Variants in DNAJB4 observed in about 807,000 individuals in gnomAD.
DNAJB4 encodes the protein dnaJ homolog subfamily B member 4.
In DNAJB4, 10 loss-of-function variants were observed where a neutral mutation model predicts 26.6. The observed-to-expected ratio is 0.38, with a 90% CI of 0.23 to 0.64. DNAJB4 has a LOEUF of 0.64. Ranked by LOEUF, DNAJB4 falls within the 30% of genes least tolerant of loss-of-function variation. The probability of loss-of-function intolerance (pLI) is 0.58; values close to 1 mark genes in which losing one functional copy is unlikely to be tolerated. For synonymous variants in DNAJB4, 136 were observed against 134.8 expected (o/e 1.01, Z -0.06); for missense variants, 328 against 408.2 (o/e 0.80, Z 1.69).
chr1:78,010,472 T>G (rs1660439153), intron 1 of DNAJB4, among the ~76,000 whole-genome samples: 2 of 152,196 alleles, frequency 1.3e-5, no homozygotes. Flanking sequence ...ATGAGCTGCT[T>G]ATGAAAAGAT....
At chr1:78,007,647 AT>A (rs1660364478) in intron 1 of DNAJB4, among the ~76,000 whole-genome samples, 2 of 152,240 alleles carry the variant, frequency 1.3e-5, no homozygotes, top group Admixed American at 1.3e-4. Flanking sequence ...TTTTAGAATT[AT>A]TCTTCCTTCA....
upstream of DNAJB4, among the ~76,000 whole-genome samples, chr1:78,001,571 A>G (rs1660195871): frequency 6.6e-6 from 1 of 152,214 alleles, no homozygotes; most frequent in Admixed American, 6.5e-5. Context: ...TGGAAAAAGA[A>G]AACTTGTTTT....
Position 78,016,785 on chromosome 1 carries a change from T to C in DNAJB4, c.*538T>C, listed in dbSNP as rs774691450. The C allele has an allele frequency of 1.3e-5, 2 of 152,452 alleles. No individual in the cohort carries two copies. The highest frequency in any genetic ancestry group is 2.9e-5 in the Non-Finnish European group (2 of 68,222). The allele number at this position is 152,452 out of a possible 1,614,324, so 9.4% of individuals were successfully genotyped here. A position where few individuals can be genotyped will look rare whatever the true frequency, so the allele number is the denominator to read the frequency against. On this transcript the variant is annotated 3_prime_UTR_variant, in exon 3 of 3. Transcript: ENST00000370763. ...TTTCACCATTTTGATTTTTAAAGTA[T>C]GCTGTAGCATTTCTTAATAACATCG...
rs1660677858 is a variant in DNAJB4, at chr1:78,017,732, G to A, written c.*1485G>A. The A allele has an allele frequency of 6.7e-6, 1 of 149,912 alleles. No homozygotes were observed. Among genetic ancestry groups the A allele is most frequent in the Non-Finnish European group, 1.5e-5 (1 of 67,740 alleles). The allele number at this position is 149,912 out of a possible 1,614,324, so 9.3% of individuals were successfully genotyped here. On this transcript the variant is annotated 3_prime_UTR_variant, in exon 3 of 3. Coordinates refer to ENST00000370763, the MANE Select transcript of DNAJB4 (RefSeq NM_007034.5). ...TCATCTGTATGGATTTGTCTGTTCTGGACATTTCACATAAATAGACTCAAA... is the reference window on the plus strand; with the variant it reads ...TCATCTGTATGGATTTGTCTGTTCTAGACATTTCACATAAATAGACTCAAA...
At chr1:77,985,544 T>G (rs1305563458) in intron 1 of DNAJB4, among the ~76,000 whole-genome samples, 2 of 152,218 alleles carry the variant, frequency 1.3e-5, no homozygotes, top group Admixed American at 6.5e-5. Flanking sequence ...AATACTATTT[T>G]TTCAAGCAAG....
At chr1:77,997,994 T>G (rs1291935605) in intron 1 of DNAJB4, among the ~76,000 whole-genome samples, 1 of 152,120 alleles carries the variant, frequency 6.6e-6, no homozygotes, top group Non-Finnish European at 1.5e-5. Context: ...TGGCTGGTCT[T>G]GAACTCCTGG....
chr1:77,995,683 A>C (rs1037882695), intron 1 of DNAJB4, among the ~76,000 whole-genome samples: 1 of 152,072 alleles, frequency 6.6e-6, no homozygotes, highest in African/African-American at 2.4e-5. Flanking sequence ...GAACTCCTAG[A>C]CTCAAGTGAT....
chr1:78,013,504 A>G lies in DNAJB4; in HGVS notation c.665A>G (p.Glu222Gly), dbSNP rs367875634. The G allele has an allele frequency of 4.3e-6, 7 of 1,613,998 alleles. No individual in the cohort carries two copies. Among genetic ancestry groups the G allele is most frequent in the African/African-American group, 1.3e-5 (1 of 74,946 alleles). The change falls in exon 2 of 3, where the codon GAA becomes GGA. Residue 222 changes from glutamate (E) to glycine (G), a missense_variant. Physicochemically the swap from Glu to Gly is moderately conservative, Grantham distance 98. Transcript: ENST00000370763. The part of the protein sequence containing the change: ...TKITFPREGD[E>G]TPNSIPADIV... ...ATTACTTTTCCAAGAGAAGGAGATG[A>G]AACACCAAATAGTATTCCAGCAGAC...
rs796616142 is a variant in DNAJB4, at chr1:77,988,035, C to T, written c.-32+7713C>T. ...TATATATGTGTGTGTGTGTATTTCC[C>T]CCCCCCCCCAGACAGTGTCTCACTT... On this transcript the variant is annotated intron_variant, in intron 1 of 2. Coordinates refer to the DNAJB4 transcript ENST00000426517. Among the ~76,000 whole-genome samples, 877 of 122,916 alleles carry T rather than the reference C, an allele frequency of 7.1e-3. 20 individuals are homozygous for T. Among genetic ancestry groups the T allele is most frequent in the African/African-American group, 0.025 (824 of 32,870 alleles). The allele number at this position is 122,916 out of a possible 152,430, so 80.6% of individuals were successfully genotyped here.
chr1:77,988,530 T>C (rs1659855084), intron 1 of DNAJB4, among the ~76,000 whole-genome samples: 1 of 152,218 alleles, frequency 6.6e-6, no homozygotes, highest in South Asian at 2.1e-4. Context: ...TCATTCTGAC[T>C]CAGCCACCTT....
At chr1:77,988,041 C>A (rs190128137) in intron 1 of DNAJB4, among the ~76,000 whole-genome samples, 20 of 140,698 alleles carry the variant, frequency 1.4e-4, no homozygotes, top group East Asian at 2.3e-4. Flanking sequence ...TTCCCCCCCC[C>A]CCCAGACAGT....
rs953836301 is a variant in DNAJB4, at chr1:78,006,960, G to T, written c.211+1639G>T. On this transcript the variant is annotated intron_variant, in intron 1 of 2. Transcript: ENST00000370763. ...AATTCACTGATAGCTCAAGTTTGTGGCTAAGCCATTGGATCCAGGGTTTAG... is the reference window on the plus strand; with the variant it reads ...AATTCACTGATAGCTCAAGTTTGTGTCTAAGCCATTGGATCCAGGGTTTAG... Among the ~76,000 whole-genome samples, 8 of 152,180 alleles carry T rather than the reference G, an allele frequency of 5.3e-5. No individual in the cohort carries two copies. In the East Asian group the frequency reaches 1.3e-3, roughly 26 times the overall value.
upstream of DNAJB4, chr1:78,004,597 C>G (rs372337620): frequency 6.5e-6 from 1 of 152,694 alleles, no homozygotes; most frequent in Admixed American, 6.5e-5. Context: ...TTAACTTTAA[C>G]TTCTTTTAAC....
chr1:77,990,051 C>T (rs1475554269), intron 1 of DNAJB4, among the ~76,000 whole-genome samples: 4 of 152,148 alleles, frequency 2.6e-5, no homozygotes, highest in African/African-American at 9.7e-5. Context: ...TTTAAATCAA[C>T]CCTGAGCCAT....
At chr1:78,004,864 A>T (rs1444236213), upstream of DNAJB4, 2 of 486,558 alleles carry the variant, frequency 4.1e-6, no homozygotes, top group East Asian at 7.3e-5. Flanking sequence ...AGAGACACGT[A>T]GTGAAAATGG....
At chr1:77,993,261 A>G (rs779868620) in intron 1 of DNAJB4, among the ~76,000 whole-genome samples, 1 of 152,206 alleles carries the variant, frequency 6.6e-6, no homozygotes, top group Admixed American at 6.5e-5. Context: ...GGCAAAAGCA[A>G]CAATAGACAT....
At chr1:78,006,336 G>A (rs1660329416) in intron 1 of DNAJB4, among the ~76,000 whole-genome samples, 1 of 151,932 alleles carries the variant, frequency 6.6e-6, no homozygotes, top group African/African-American at 2.4e-5. Context: ...ACTGTTTTGG[G>A]GATTTTCAAC....
At chr1:77,981,288 T>TA (rs969947018) in intron 1 of DNAJB4, 37 of 150,970 alleles carry the variant, frequency 2.5e-4, no homozygotes, top group Admixed American at 2.3e-3. Context: ...GCCTCTGGAG[T>TA]AGCTGGGATC....
chr1:77,996,557 G>A (rs1382220210), intron 1 of DNAJB4, among the ~76,000 whole-genome samples: 2 of 151,924 alleles, frequency 1.3e-5, no homozygotes, highest in South Asian at 4.2e-4. Context: ...TTTTTTGAAA[G>A]GTAGGTACTT....
Sources: allele counts gnomAD v4.1 joint callset (sites outside exome capture counted in the v4.1 genomes callset), GRCh38; gene constraint gnomAD v4.1.1; transcripts MANE v1.5; gene names NCBI Gene and HGNC (gene_info 2026-07-23, HGNC 2026-07-21).